The following FYN variants were observed in gnomAD, a reference collection of about 807,000 sequenced individuals.
The protein encoded by FYN is FYN proto-oncogene, Src family tyrosine kinase, also known as tyrosine-protein kinase Fyn.
Under a neutral mutation model 70.2 loss-of-function variants are expected in FYN, and 10 were observed. The ratio of observed to expected loss-of-function variants is 0.14; its 90% confidence interval spans 0.09 to 0.24. The LOEUF (loss-of-function observed/expected upper bound fraction) is 0.24, where lower values mean the gene tolerates loss of function less well. Ranked by LOEUF, FYN falls within the 10% of genes least tolerant of loss-of-function variation. The probability of loss-of-function intolerance (pLI) is 1.00; values close to 1 mark genes in which losing one functional copy is unlikely to be tolerated. For synonymous variants in FYN, 236 were observed against 248.6 expected (o/e 0.95, Z 0.48); for missense variants, 319 against 673.1 (o/e 0.47, Z 5.82).
intron 12 of FYN, chr6:111,676,666 C>G (rs989233153): frequency 2.6e-5 from 4 of 152,192 alleles, no homozygotes; most frequent in Non-Finnish European, 4.4e-5. Context: ...TACATTCATT[C>G]CTATTTAAAC....
chr6:111,759,040 C>G (rs927513150), intron 3 of FYN: 14 of 152,654 alleles, frequency 9.2e-5, no homozygotes, highest in Admixed American at 7.2e-4. Context: ...CGAGTCTTAC[C>G]CTTCACGTAA....
intron 1 of FYN, among the ~76,000 whole-genome samples, chr6:111,850,136 C>G (rs891309848): frequency 6.6e-6 from 1 of 152,172 alleles, no homozygotes; most frequent in Non-Finnish European, 1.5e-5. Context: ...AGATTCAATA[C>G]ATTAGGGTCA....
At chr6:111,792,078 A>G (rs1771643741) in intron 2 of FYN, among the ~76,000 whole-genome samples, 1 of 152,246 alleles carries the variant, frequency 6.6e-6, no homozygotes, top group South Asian at 2.1e-4. Context: ...AATGACATCA[A>G]CAGAATCAAA....
Position 111,846,128 on chromosome 6 carries a change from G to T in FYN, c.-82+461C>A, listed in dbSNP as rs1204371170. 2.0e-5 allele frequency among the ~76,000 whole-genome samples: 3 copies of T among 152,214 alleles called. No homozygotes were observed. In the East Asian group the frequency reaches 5.8e-4, roughly 29 times the overall value. ...TGAAAGAATGACCTGCTACACAGTG[G>T]CTGCAATTCAAAGATACGGCTCAGG... On this transcript the variant is annotated intron_variant, in intron 2 of 13. Coordinates refer to ENST00000354650, the MANE Select transcript of FYN (RefSeq NM_002037.5).
intron 1 of FYN, among the ~76,000 whole-genome samples, chr6:111,869,855 T>C (rs896605468): frequency 6.6e-6 from 1 of 152,228 alleles, no homozygotes; most frequent in Non-Finnish European, 1.5e-5. Flanking sequence ...TGAGTAGGAA[T>C]TGGCAACATT....
Position 111,694,817 on chromosome 6 carries a change from ATCC to A in FYN, c.1043-116_1043-114del. 2 of 868,090 alleles carry A rather than the reference ATCC, an allele frequency of 2.3e-6. No homozygotes were observed. Among genetic ancestry groups the A allele is most frequent in the Non-Finnish European group, 3.6e-6 (2 of 563,108 alleles). The allele number at this position is 868,090 out of a possible 1,614,324, so 53.8% of individuals were successfully genotyped here. The stretch of plus-strand genomic sequence containing the variant: ...TAAGGTAGTCAAATGGAATAATGCC[ATCC>A]ACATGGGGGGACAAAAAGGTTTATA... On this transcript the variant is annotated intron_variant, in intron 10 of 13. Transcript: ENST00000354650. This position sits in a 1 kb window ranked among gnomAD's most constrained non-coding sequence, Gnocchi z 5.0.
chr6:111,839,135 T>TTCTGTCCATCTA (rs1773276999), intron 2 of FYN, among the ~76,000 whole-genome samples: 1 of 152,210 alleles, frequency 6.6e-6, no homozygotes, highest in Non-Finnish European at 1.5e-5. Context: ...ACATTTCTGC[T>TTCTGTCCATCTA]GCCAAACTTC....
Position 111,783,066 on chromosome 6 carries a change from G to A in FYN, c.-81-2431C>T, listed in dbSNP as rs530340319. 1.2e-4 allele frequency among the ~76,000 whole-genome samples: 18 copies of A among 152,290 alleles called. No individual in the cohort carries two copies. In the East Asian group the frequency reaches 1.9e-3, roughly 16 times the overall value. ...GAGCCTGTGATTGTCCAGCCTCAGCGTGGACACTGGTCCCTCCATCTTATC... is the reference window on the plus strand; with the variant it reads ...GAGCCTGTGATTGTCCAGCCTCAGCATGGACACTGGTCCCTCCATCTTATC... On this transcript the variant is annotated intron_variant, in intron 2 of 13. Coordinates refer to ENST00000354650, the MANE Select transcript of FYN (RefSeq NM_002037.5).
At chr6:111,799,506 C>A (rs1299531283) in intron 2 of FYN, among the ~76,000 whole-genome samples, 1 of 152,144 alleles carries the variant, frequency 6.6e-6, no homozygotes, top group African/African-American at 2.4e-5. Context: ...CAACTCTAAC[C>A]CCCTGGTGTT....
chr6:111,695,425 C>T (rs1799530069), intron 10 of FYN, among the ~76,000 whole-genome samples: 1 of 152,208 alleles, frequency 6.6e-6, no homozygotes, highest in South Asian at 2.1e-4. Flanking sequence ...ACTATTATAA[C>T]ACAGCCTAAG....
chr6:111,751,569 T>C (rs991695815), intron 3 of FYN, among the ~76,000 whole-genome samples: 2 of 152,214 alleles, frequency 1.3e-5, no homozygotes, highest in African/African-American at 4.8e-5. Flanking sequence ...TATTCAGAGA[T>C]ATTTTAAATC....
rs368443764 is a variant in FYN, at chr6:111,849,512, C to G, written c.-122-2883G>C. ...CACAGTCAAAGGAGCATGGGCTGCACGCTTAGAGGCCTGACAGTGCTGCAC... is the reference window on the plus strand; with the variant it reads ...CACAGTCAAAGGAGCATGGGCTGCAGGCTTAGAGGCCTGACAGTGCTGCAC... On this transcript the variant is annotated intron_variant, in intron 1 of 13. Coordinates refer to ENST00000354650, the MANE Select transcript of FYN (RefSeq NM_002037.5). Among the ~76,000 whole-genome samples the G allele has an allele frequency of 7.6e-4, 116 of 152,260 alleles. 1 individual carries two copies. In the South Asian group the frequency reaches 0.012, roughly 16 times the overall value.
chr6:111,727,050 G>C (rs1438038885), intron 3 of FYN, among the ~76,000 whole-genome samples: 1 of 152,192 alleles, frequency 6.6e-6, no homozygotes, highest in Non-Finnish European at 1.5e-5. Context: ...CCCGGTCTCA[G>C]GTATTTCTTC....
intron 2 of FYN, among the ~76,000 whole-genome samples, chr6:111,801,403 TTTTTC>T (rs1197474872): frequency 6.6e-6 from 1 of 152,216 alleles, no homozygotes; most frequent in Non-Finnish European, 1.5e-5. Context: ...GAGCTCCCCA[TTTTTC>T]TTTTATCACC....
At chr6:111,862,890 C>CGG (rs1231853673) in intron 1 of FYN, among the ~76,000 whole-genome samples, 4 of 152,026 alleles carry the variant, frequency 2.6e-5, no homozygotes, top group Non-Finnish European at 4.4e-5. Flanking sequence ...AAGGGAAGGA[C>CGG]GGGGGATTCC....
intron 6 of FYN, 104 bp downstream of exon 6, chr6:111,707,818 A>G: frequency 9.3e-6 from 8 of 860,624 alleles, no homozygotes; most frequent in Non-Finnish European, 1.5e-5. Flanking sequence ...AGCCTTAATC[A>G]CTGCTGTGAA....
At chr6:111,811,524 C>T (rs954628656) in intron 2 of FYN, among the ~76,000 whole-genome samples, 2 of 152,292 alleles carry the variant, frequency 1.3e-5, no homozygotes, top group African/African-American at 2.4e-5. Context: ...ATTTCATGAT[C>T]TCTCAAAGCA....
chr6:111,697,329 T>C (rs1166494812), intron 9 of FYN, among the ~76,000 whole-genome samples: 3 of 152,188 alleles, frequency 2.0e-5, no homozygotes, highest in South Asian at 2.1e-4. Context: ...CTTTGTGTAT[T>C]CCATTATTAG....
intron 2 of FYN, among the ~76,000 whole-genome samples, chr6:111,825,640 C>G (rs539112251): frequency 6.6e-6 from 1 of 152,300 alleles, no homozygotes; most frequent in East Asian, 1.9e-4. Flanking sequence ...CTCTTCCCAG[C>G]TGCTCATGTG....
Sources: gnomAD v4.1 joint callset for allele counts (sites outside exome capture counted in the v4.1 genomes callset) on GRCh38, gnomAD v4.1.1 for gene constraint, Gnocchi (gnomAD v3.1) non-coding constraint, MANE v1.5 for transcripts, NCBI Gene and HGNC (gene_info 2026-07-23, HGNC 2026-07-21) for gene names.